LARGE1: variants seen among roughly 807,000 people sequenced by gnomAD.
LARGE1 encodes xylosyl- and glucuronyltransferase LARGE1.
A neutral mutation model predicts 87.6 loss-of-function variants in LARGE1; 43 were observed. The ratio of observed to expected loss-of-function variants is 0.49; its 90% CI spans 0.38 to 0.63. The LOEUF (loss-of-function observed/expected upper bound fraction) is 0.63. Ranked by LOEUF, LARGE1 falls within the 30% of genes least tolerant of loss-of-function variation. LARGE1 has a pLI of 0.00. For missense variants in LARGE1, 802 were observed against 1,000.2 expected, an observed-to-expected ratio of 0.80 and a Z score of 2.67; for synonymous variants, 434 against 394.6, an observed-to-expected ratio of 1.10 and a Z score of -1.18.
At chr22:33,278,414 A>G (rs1011384901) in intron 13 of LARGE1, among the ~76,000 whole-genome samples, 2 of 152,152 alleles carry the variant, frequency 1.3e-5, no homozygotes, top group African/African-American at 4.8e-5. Flanking sequence ...GAGATCACAA[A>G]TTTGTTTCAA....
intron 2 of LARGE1, among the ~76,000 whole-genome samples, chr22:33,761,085 C>T (rs2084712891): frequency 6.6e-6 from 1 of 152,034 alleles, no homozygotes; most frequent in Non-Finnish European, 1.5e-5. Flanking sequence ...TTCTCCAGGG[C>T]CCAACCTTTT....
In LARGE1 at chr22:33,595,411, A is replaced by G. The variant is rs73882276; in HGVS notation, c.615+9024T>C. Among the ~76,000 whole-genome samples the G allele has an allele frequency of 6.2e-3, 942 of 152,308 alleles. 9 individuals carry two copies. Among genetic ancestry groups the G allele is most frequent in the African/African-American group, 0.022 (903 of 41,570 alleles). On this transcript the variant is annotated intron_variant, in intron 5 of 14. Coordinates refer to ENST00000397394, the MANE Select transcript of LARGE1 (RefSeq NM_133642.5). ...TGTAGCTCAAGGTGGGGCATGTCAC[A>G]TATGCAGATCTAGACCAAGTGCTGT...
intron 11 of LARGE1, among the ~76,000 whole-genome samples, chr22:33,183,622 A>ACACACACACACACG (rs1923303107): frequency 1.1e-5 from 1 of 92,658 alleles, no homozygotes; most frequent in Admixed American, 1.1e-4. Context: ...ACACACACGC[A>ACACACACACACACG]CACACACACA....
At chr22:33,485,339 G>A (rs1458605496) in intron 6 of LARGE1, among the ~76,000 whole-genome samples, 1 of 151,424 alleles carries the variant, frequency 6.6e-6, no homozygotes, top group African/African-American at 2.4e-5. Flanking sequence ...CCAGCCTCCC[G>A]AGTAGCTGGG....
chr22:33,625,420 C>A (rs1209179178), intron 4 of LARGE1, among the ~76,000 whole-genome samples: 2 of 152,170 alleles, frequency 1.3e-5, no homozygotes, highest in Non-Finnish European at 2.9e-5. Flanking sequence ...AGAAGAAGAA[C>A]CAATCCTTAG....
At chr22:33,299,166 T>C (rs1933792752) in intron 12 of LARGE1, among the ~76,000 whole-genome samples, 1 of 150,660 alleles carries the variant, frequency 6.6e-6, no homozygotes, top group Admixed American at 6.6e-5. Context: ...TGAGCCATGA[T>C]TGCACCATTC....
chr22:33,842,669 T>C (rs532395992), intron 1 of LARGE1, among the ~76,000 whole-genome samples: 2 of 152,302 alleles, frequency 1.3e-5, no homozygotes, highest in African/African-American at 4.8e-5. Flanking sequence ...AGCCCAGCAC[T>C]GCCCAACAGT....
At chr22:33,588,159 T>C (rs184023449) in intron 5 of LARGE1, among the ~76,000 whole-genome samples, 29 of 152,270 alleles carry the variant, frequency 1.9e-4, no homozygotes, top group South Asian at 4.1e-4. Context: ...ATGCTAAGAA[T>C]TGGGAAGCAG....
chr22:33,558,630 C>T (rs1354562775), intron 6 of LARGE1, among the ~76,000 whole-genome samples: 1 of 152,174 alleles, frequency 6.6e-6, no homozygotes, highest in Non-Finnish European at 1.5e-5. Context: ...CTAAGCTCTT[C>T]TGACTCCACC....
At chr22:33,179,969 C>T (rs1166237865) in intron 11 of LARGE1, among the ~76,000 whole-genome samples, 2 of 151,542 alleles carry the variant, frequency 1.3e-5, no homozygotes, top group East Asian at 1.9e-4. Flanking sequence ...GTAAGGCCCT[C>T]GTAAAAGAGA....
chr22:33,695,791 T>C (rs12160783), intron 2 of LARGE1, among the ~76,000 whole-genome samples: 69 of 152,332 alleles, frequency 4.5e-4, no homozygotes, highest in African/African-American at 1.6e-3. Flanking sequence ...GGGAAAATTT[T>C]GACAATGCAT....
At chr22:33,275,001 G>A (rs756056494) in intron 14 of LARGE1, among the ~76,000 whole-genome samples, 2 of 152,126 alleles carry the variant, frequency 1.3e-5, no homozygotes, top group Non-Finnish European at 2.9e-5. Context: ...GATGACACAC[G>A]CCATGGGATA....
chr22:33,480,569 C>A (rs543249185), intron 6 of LARGE1, among the ~76,000 whole-genome samples: 2 of 152,208 alleles, frequency 1.3e-5, no homozygotes, highest in South Asian at 4.1e-4. Flanking sequence ...TATATATTCT[C>A]CAAGGGCTGC....
chr22:33,853,210 G>C (rs2063661985), intron 1 of LARGE1, among the ~76,000 whole-genome samples: 1 of 152,154 alleles, frequency 6.6e-6, no homozygotes, highest in Non-Finnish European at 1.5e-5. Flanking sequence ...GAACCAGGTG[G>C]AACGTGGGTC....
intron 9 of LARGE1, among the ~76,000 whole-genome samples, chr22:33,368,896 T>C (rs2064698455): frequency 6.6e-6 from 1 of 152,244 alleles, no homozygotes; most frequent in Non-Finnish European, 1.5e-5. Flanking sequence ...AATGATCACC[T>C]GGCCTTCAGT....
At chr22:33,213,907 C>G (rs1602101687) in intron 11 of LARGE1, among the ~76,000 whole-genome samples, 2 of 152,114 alleles carry the variant, frequency 1.3e-5, no homozygotes, top group East Asian at 3.9e-4. Context: ...CCGCTCACTG[C>G]AGGCTCCGCC....
intron 1 of LARGE1, among the ~76,000 whole-genome samples, chr22:33,801,830 T>C (rs934387960): frequency 3.9e-5 from 6 of 152,172 alleles, no homozygotes; most frequent in Admixed American, 1.3e-4. Flanking sequence ...AGTGACTAGT[T>C]TCCTCATATG....
intron 1 of LARGE1, chr22:33,873,000 C>CA (rs71783313): frequency 0.22 from 32,232 of 147,780 alleles, 3,609 homozygotes; most frequent in Admixed American, 0.33. Flanking sequence ...AATTCTGTCT[C>CA]AAAAAAAAAA....
At chr22:33,177,006 A>G (rs1453823741) in intron 11 of LARGE1, among the ~76,000 whole-genome samples, 1 of 152,348 alleles carries the variant, frequency 6.6e-6, no homozygotes, top group Middle Eastern at 3.4e-3. Flanking sequence ...TGTCCTTTGC[A>G]GGAACATGGA....
Sources: allele counts gnomAD v4.1 joint callset (sites outside exome capture counted in the v4.1 genomes callset), GRCh38; gene constraint gnomAD v4.1.1; transcripts MANE v1.5; gene names NCBI Gene and HGNC (gene_info 2026-07-23, HGNC 2026-07-21).